The following EFCAB8 variants were observed in gnomAD, a reference collection of about 807,000 sequenced individuals.
The protein encoded by EFCAB8 is EF-hand calcium binding domain 8.
In EFCAB8, 100 loss-of-function variants were observed where a neutral mutation model predicts 116.3. The observed-to-expected ratio is 0.86, with a 90% CI of 0.73 to 1.02. EFCAB8 has a LOEUF of 1.02. Ranked by LOEUF, EFCAB8 falls within the 50% of genes least tolerant of loss-of-function variation. The pLI, the probability that EFCAB8 is intolerant of heterozygous loss-of-function variation, is 0.00. For synonymous variants in EFCAB8, 558 were observed against 567.9 expected, an observed-to-expected ratio of 0.98 and a Z score of 0.25; for missense variants, 1,320 against 1,416.9, an observed-to-expected ratio of 0.93 and a Z score of 1.10.
intron 11 of EFCAB8, among the ~76,000 whole-genome samples, chr20:32,904,334 T>A (rs1986572375): frequency 6.6e-6 from 1 of 151,512 alleles, no homozygotes; most frequent in South Asian, 2.1e-4. Flanking sequence ...AGGTTCTTGC[T>A]CTGTCCCCCA....
At chr20:32,863,951 C>A in intron 2 of EFCAB8, 117 bp downstream of exon 2, 1 of 1,125,716 alleles carries the variant, frequency 8.9e-7, no homozygotes, top group Non-Finnish European at 1.2e-6. Context: ...GTTGCATACT[C>A]AGATATTTAC....
chr20:32,898,755 C>T (rs1006156918), intron 11 of EFCAB8, 132 bp downstream of exon 11: 11 of 609,190 alleles, frequency 1.8e-5, no homozygotes, highest in Non-Finnish European at 3.0e-5. Flanking sequence ...TCCAGCATTG[C>T]CAGCAGCAGC....
chr20:32,926,098 C>T (rs35208902), intron 20 of EFCAB8, among the ~76,000 whole-genome samples: 36,243 of 152,146 alleles, frequency 0.24, 4,719 homozygotes, highest in Middle Eastern at 0.35. Flanking sequence ...CTGCTGAAGT[C>T]CTGGGCGCTC....
chr20:32,933,750 G>A (rs140419631), intron 22 of EFCAB8, among the ~76,000 whole-genome samples: 2 of 152,120 alleles, frequency 1.3e-5, no homozygotes, highest in South Asian at 2.1e-4. Flanking sequence ...AGGCCGAGGC[G>A]GGCAGATCAC....
At chr20:32,891,660 A>T (rs571199599) in intron 7 of EFCAB8, among the ~76,000 whole-genome samples, 1 of 152,362 alleles carries the variant, frequency 6.6e-6, no homozygotes, top group Admixed American at 6.5e-5. Flanking sequence ...GCCCCAGCCC[A>T]GTCCAGCCAG....
intron 5 of EFCAB8, among the ~76,000 whole-genome samples, chr20:32,880,949 G>A (rs991700999): frequency 6.6e-5 from 10 of 152,142 alleles, no homozygotes; most frequent in African/African-American, 2.2e-4. Context: ...TTTGAACATA[G>A]AGAACACAGC....
chr20:32,930,793 T>C (rs914208589), intron 21 of EFCAB8, among the ~76,000 whole-genome samples, 177 bp downstream of exon 21: 1 of 152,202 alleles, frequency 6.6e-6, no homozygotes, highest in Admixed American at 6.5e-5. Context: ...GGAGCGGGTC[T>C]TGGTTCAAAA....
Position 32,920,218 on chromosome 20 carries a change from T to G in EFCAB8, c.2412+3T>G. 2 of 1,551,474 alleles carry G rather than the reference T, an allele frequency of 1.3e-6. No individual in the cohort carries two copies. Among genetic ancestry groups the G allele is most frequent in the Non-Finnish European group, 1.7e-6 (2 of 1,146,916 alleles). Reference sequence around the variant, plus strand: ...AATCCAGTGCCTCGGTGGAGAAGGTTGGCCGTGATCAGCCAGGGAGAGGGA... The same window carrying G: ...AATCCAGTGCCTCGGTGGAGAAGGTGGGCCGTGATCAGCCAGGGAGAGGGA... On this transcript the variant is annotated splice_donor_region_variant and intron_variant, in intron 20 of 26. Coordinates refer to ENST00000400522, the MANE Select transcript of EFCAB8 (RefSeq NM_001143967.2).
At chr20:32,931,020 G>A (rs1370620853) in intron 21 of EFCAB8, among the ~76,000 whole-genome samples, 158 bp from the exon 22 acceptor site, 2 of 152,154 alleles carry the variant, frequency 1.3e-5, no homozygotes, top group East Asian at 3.8e-4. Flanking sequence ...GATCCCTAAG[G>A]CCCTTTCTGG....
At chr20:32,889,003 G>C (rs1008362789) in intron 6 of EFCAB8, among the ~76,000 whole-genome samples, 2 of 152,102 alleles carry the variant, frequency 1.3e-5, no homozygotes, top group Non-Finnish European at 2.9e-5. Flanking sequence ...GCCCAGGCTT[G>C]AGTGCAGTGG....
chr20:32,929,561 C>T (rs1263713784), intron 20 of EFCAB8, among the ~76,000 whole-genome samples: 2 of 134,836 alleles, frequency 1.5e-5, no homozygotes, highest in African/African-American at 5.5e-5. Context: ...CAGGCTGTCT[C>T]GATCTCCTGG....
At chr20:32,925,442 C>T (rs1158261340) in intron 20 of EFCAB8, among the ~76,000 whole-genome samples, 1 of 152,218 alleles carries the variant, frequency 6.6e-6, no homozygotes, top group African/African-American at 2.4e-5. Flanking sequence ...TGGTCTTGAA[C>T]TCCTGACCTT....
chr20:32,917,565 G>T (rs1987247722), intron 18 of EFCAB8, 60 bp downstream of exon 18: 1 of 1,444,168 alleles, frequency 6.9e-7, no homozygotes, highest in Non-Finnish European at 9.5e-7. Flanking sequence ...CCAGAATCCT[G>T]TGGGGCAGGG....
At position 32,939,203 on chromosome 20, in the gene EFCAB8, C is replaced by CTTTCTTTCTTTCCT. The variant is rs1555869214; in HGVS notation, c.2791-4433_2791-4432insTTTCTTTCTTTCCT. Among the ~76,000 whole-genome samples the CTTTCTTTCTTTCCT allele has an allele frequency of 2.0e-4, 10 of 51,048 alleles. 1 individual carries two copies. Among genetic ancestry groups the CTTTCTTTCTTTCCT allele is most frequent in the East Asian group, 1.6e-3 (3 of 1,874 alleles). The allele number at this position is 51,048 out of a possible 152,430, so 33.5% of individuals were successfully genotyped here. ...TCTTTCTTTCTTTCTTTCTTTCTTT[C>CTTTCTTTCTTTCCT]CTCTCTCTCTCTCTCTCTCTCTCTT... On this transcript the variant is annotated intron_variant, in intron 22 of 26. Coordinates refer to ENST00000400522, the MANE Select transcript of EFCAB8 (RefSeq NM_001143967.2).
chr20:32,925,662 C>T (rs1987641597), intron 20 of EFCAB8, among the ~76,000 whole-genome samples: 1 of 152,250 alleles, frequency 6.6e-6, no homozygotes, highest in East Asian at 1.9e-4. Flanking sequence ...CCCTGACAGT[C>T]TTTAGATGAA....
At chr20:32,944,925 C>G (rs1278569004) in intron 23 of EFCAB8, among the ~76,000 whole-genome samples, 2 of 150,846 alleles carry the variant, frequency 1.3e-5, no homozygotes, top group African/African-American at 2.4e-5. Flanking sequence ...CTCTGTCTCT[C>G]TCTCCTCCTT....
chr20:32,875,145 C>T (rs1043519029), intron 3 of EFCAB8, among the ~76,000 whole-genome samples: 4 of 152,192 alleles, frequency 2.6e-5, no homozygotes, highest in Admixed American at 2.6e-4. Context: ...TGCCTCCCCT[C>T]CCCACACTGC....
rs933730997 is a variant in EFCAB8 at position 32,901,448 on chromosome 20, G to A, written c.1088+2825G>A. Among the ~76,000 whole-genome samples the A allele has an allele frequency of 5.3e-5, 8 of 151,842 alleles. No homozygotes were observed. In the East Asian group the frequency reaches 1.5e-3, roughly 29 times the overall value. On this transcript the variant is annotated intron_variant, in intron 11 of 26. Coordinates refer to ENST00000400522, the MANE Select transcript of EFCAB8 (RefSeq NM_001143967.2). Reference sequence around the variant, plus strand: ...GGGCTGTGAGTTGGACAAGCTTGGTGTATAAGATATGTGTTTCATTCAGAT... The same window carrying A: ...GGGCTGTGAGTTGGACAAGCTTGGTATATAAGATATGTGTTTCATTCAGAT...
intron 11 of EFCAB8, 131 bp downstream of exon 11, chr20:32,898,754 G>T (rs1986286186): frequency 3.3e-6 from 2 of 609,128 alleles, no homozygotes; most frequent in Non-Finnish European, 6.0e-6. Context: ...TTCCAGCATT[G>T]CCAGCAGCAG....
Sources: gnomAD v4.1 joint callset for allele counts (sites outside exome capture counted in the v4.1 genomes callset) on GRCh38, gnomAD v4.1.1 for gene constraint, MANE v1.5 for transcripts, NCBI Gene and HGNC (gene_info 2026-07-23, HGNC 2026-07-21) for gene names.